CEP128: variants seen among roughly 807,000 people sequenced by gnomAD.
The protein encoded by CEP128 is centrosomal protein 128.
A neutral mutation model predicts 156.7 loss-of-function variants in CEP128; 132 were observed. That is an observed-to-expected ratio of 0.84 (90% CI 0.73 to 0.97). The LOEUF (loss-of-function observed/expected upper bound fraction) is 0.97, where lower values mean the gene tolerates loss of function less well. Among genes scored for constraint, CEP128 ranks in the 50% least tolerant of loss-of-function variants. The probability of loss-of-function intolerance (pLI) is 0.00; values close to 1 mark genes in which losing one functional copy is unlikely to be tolerated. For synonymous variants in CEP128, 469 were observed against 448.9 expected, an observed-to-expected ratio of 1.04 and a Z score of -0.57; for missense variants, 1,252 against 1,281.9, an observed-to-expected ratio of 0.98 and a Z score of 0.36.
chr14:80,768,964 T>G (rs1293030344), intron 16 of CEP128, among the ~76,000 whole-genome samples: 1 of 152,224 alleles, frequency 6.6e-6, no homozygotes. Context: ...TAAATGATAC[T>G]TTATGCATTC....
At chr14:80,623,218 CAAACACT>C (rs1052216005) in intron 19 of CEP128, among the ~76,000 whole-genome samples, 2 of 148,980 alleles carry the variant, frequency 1.3e-5, no homozygotes, top group Non-Finnish European at 3.0e-5. Context: ...GACAAAAAAC[CAAACACT>C]GCATGTTCTC....
intron 9 of CEP128, among the ~76,000 whole-genome samples, chr14:80,846,153 A>G (rs1886590860): frequency 6.6e-6 from 1 of 152,232 alleles, no homozygotes; most frequent in African/African-American, 2.4e-5. Flanking sequence ...AAGTACACAT[A>G]GCAAAGTAAA....
intron 4 of CEP128, among the ~76,000 whole-genome samples, chr14:80,911,183 T>G (rs1051581735): frequency 4.6e-5 from 7 of 152,110 alleles, no homozygotes; most frequent in Non-Finnish European, 7.4e-5. Flanking sequence ...GTAATGCAAA[T>G]AACAGAAGTG....
intron 18 of CEP128, among the ~76,000 whole-genome samples, chr14:80,752,258 G>A (rs1899434090): frequency 6.6e-6 from 1 of 152,098 alleles, no homozygotes; most frequent in Non-Finnish European, 1.5e-5. Flanking sequence ...AAGAAACAGA[G>A]ATAAAGAGGA....
chr14:80,522,764 G>A (rs1888801302), intron 23 of CEP128, among the ~76,000 whole-genome samples: 1 of 152,184 alleles, frequency 6.6e-6, no homozygotes, highest in Non-Finnish European at 1.5e-5. Context: ...CAGGAAGGAA[G>A]CCTGTATGTC....
chr14:80,956,011 A>G, intron 2 of CEP128: 4 of 842,016 alleles, frequency 4.8e-6, no homozygotes, highest in Middle Eastern at 3.2e-4. Flanking sequence ...TGTGTGCTAA[A>G]AACTTAATCG....
At chr14:80,752,820 A>G (rs1296878962) in intron 18 of CEP128, among the ~76,000 whole-genome samples, 13 of 152,184 alleles carry the variant, frequency 8.5e-5, no homozygotes, top group Admixed American at 7.2e-4. Context: ...AGCTTCTTCA[A>G]TCTACAAAAT....
At chr14:80,868,694 G>T (rs892586969) in intron 8 of CEP128, among the ~76,000 whole-genome samples, 1 of 152,034 alleles carries the variant, frequency 6.6e-6, no homozygotes, top group Non-Finnish European at 1.5e-5. Context: ...CCAGTCAAAA[G>T]ACATAGAGTA....
intron 23 of CEP128, among the ~76,000 whole-genome samples, chr14:80,525,589 A>T (rs1414321751): frequency 1.3e-5 from 2 of 152,218 alleles, no homozygotes; most frequent in African/African-American, 4.8e-5. Flanking sequence ...AGTTTGTAGG[A>T]CTTGACTGGG....
intron 4 of CEP128, among the ~76,000 whole-genome samples, chr14:80,911,037 C>G (rs540897201): frequency 1.4e-4 from 21 of 152,230 alleles, no homozygotes; most frequent in Middle Eastern, 6.8e-3. Flanking sequence ...TTTGATATCT[C>G]TATTTGGAAA....
At chr14:80,897,612 C>T (rs1889403463) in intron 7 of CEP128, among the ~76,000 whole-genome samples, 1 of 148,664 alleles carries the variant, frequency 6.7e-6, no homozygotes, top group East Asian at 2.0e-4. Flanking sequence ...ATCTTAGAGT[C>T]ATCCTTATTC....
chr14:80,955,930 C>G, intron 2 of CEP128: 2 of 1,561,466 alleles, frequency 1.3e-6, no homozygotes, highest in Non-Finnish European at 8.8e-7. Flanking sequence ...ACAAAAGCAG[C>G]TCAATAACAG....
intron 19 of CEP128, among the ~76,000 whole-genome samples, chr14:80,621,363 G>C (rs1391390737): frequency 1.3e-5 from 2 of 152,090 alleles, no homozygotes; most frequent in African/African-American, 4.8e-5. Context: ...CTTTCCTCTT[G>C]AATCTGTTCT....
At chr14:80,776,221 A>G (rs1900781863) in intron 16 of CEP128, among the ~76,000 whole-genome samples, 1 of 152,206 alleles carries the variant, frequency 6.6e-6, no homozygotes, top group Non-Finnish European at 1.5e-5. Context: ...CTTCTGGCTA[A>G]CTTCATAATT....
chr14:80,554,533 A>G (rs1219905120), intron 21 of CEP128, among the ~76,000 whole-genome samples: 1 of 152,136 alleles, frequency 6.6e-6, no homozygotes, highest in Non-Finnish European at 1.5e-5. Flanking sequence ...GACTAAAAAT[A>G]GTTGATTAAA....
chr14:80,903,984 C>T (rs1240010126), intron 6 of CEP128, among the ~76,000 whole-genome samples: 1 of 152,118 alleles, frequency 6.6e-6, no homozygotes, highest in African/African-American at 2.4e-5. Flanking sequence ...AATCCCATTT[C>T]TGGATATATA....
At chr14:80,809,059 A>C (rs1228561273) in intron 13 of CEP128, among the ~76,000 whole-genome samples, 1 of 152,228 alleles carries the variant, frequency 6.6e-6, no homozygotes, top group African/African-American at 2.4e-5. Context: ...ACAATTCAAA[A>C]TTGTGAAACT....
intron 19 of CEP128, among the ~76,000 whole-genome samples, chr14:80,662,362 A>G (rs997996508): frequency 2.0e-5 from 3 of 152,194 alleles, no homozygotes; most frequent in Non-Finnish European, 4.4e-5. Flanking sequence ...ATAACATTGC[A>G]GTCTCTAGAG....
At chr14:80,862,715 C>A (rs75446124) in intron 9 of CEP128, 42 bp downstream of exon 9, 72,147 of 1,316,776 alleles carry the variant, frequency 0.055, 2,383 homozygotes, top group Non-Finnish European at 0.067. Flanking sequence ...AATAAACATC[C>A]AAATTCAAGA....
Sources: gnomAD v4.1 joint callset for allele counts (sites outside exome capture counted in the v4.1 genomes callset) on GRCh38, gnomAD v4.1.1 for gene constraint, MANE v1.5 for transcripts, NCBI Gene and HGNC (gene_info 2026-07-23, HGNC 2026-07-21) for gene names.